MAML2: variants seen among roughly 807,000 people sequenced by gnomAD.
MAML2 encodes the protein mastermind like transcriptional coactivator 2, also known as mastermind-like protein 2.
A neutral mutation model predicts 96.1 loss-of-function variants in MAML2; 22 were observed. The observed-to-expected ratio is 0.23, with a 90% CI of 0.16 to 0.33. The LOEUF is 0.33. Among genes scored for constraint, MAML2 ranks in the 10% least tolerant of loss-of-function variants. The pLI, the probability that MAML2 is intolerant of heterozygous loss-of-function variation, is 1.00. For missense variants in MAML2, 1,367 were observed against 1,392.4 expected (o/e 0.98, Z 0.29); for synonymous variants, 561 against 521.3 (o/e 1.08, Z -1.04).
intron 2 of MAML2, among the ~76,000 whole-genome samples, chr11:96,068,438 T>TCATACACACACACACACA (rs1859278678): frequency 2.5e-5 from 3 of 120,292 alleles, no homozygotes; most frequent in Admixed American, 1.8e-4. Flanking sequence ...GGAGCTTACT[T>TCATACACACACACACACA]CACACACACA....
chr11:96,075,347 G>A (rs899872993), intron 2 of MAML2, among the ~76,000 whole-genome samples: 1 of 152,160 alleles, frequency 6.6e-6, no homozygotes, highest in Admixed American at 6.5e-5. Flanking sequence ...TCACTAAGGT[G>A]CTCAGAAGTT....
chr11:95,993,562 C>T (rs1316837158), intron 2 of MAML2, among the ~76,000 whole-genome samples: 1 of 151,090 alleles, frequency 6.6e-6, no homozygotes, highest in African/African-American at 2.4e-5. Context: ...CAGAGCAAGA[C>T]TCTGTCTCAA....
At chr11:96,154,387 G>T (rs965756705) in intron 1 of MAML2, among the ~76,000 whole-genome samples, 7 of 152,146 alleles carry the variant, frequency 4.6e-5, no homozygotes, top group Non-Finnish European at 7.3e-5. Flanking sequence ...CCAAATAATA[G>T]CTGCTCCTAC....
intron 1 of MAML2, among the ~76,000 whole-genome samples, chr11:96,235,146 T>C (rs1361062606): frequency 1.3e-5 from 2 of 152,098 alleles, no homozygotes; most frequent in Admixed American, 1.3e-4. Context: ...ACAGACCAAG[T>C]TTGGGATGTG....
intron 1 of MAML2, among the ~76,000 whole-genome samples, chr11:96,282,248 CAAA>C (rs546246324): frequency 5.8e-5 from 8 of 136,908 alleles, no homozygotes; most frequent in South Asian, 2.3e-4. Context: ...GACTCCATCT[CAAA>C]AAAAAAATAA....
intron 1 of MAML2, among the ~76,000 whole-genome samples, chr11:96,327,946 A>T (rs938156710): frequency 1.3e-5 from 2 of 151,820 alleles, no homozygotes; most frequent in Admixed American, 1.3e-4. Flanking sequence ...AAATCCAAAA[A>T]TTAGCCAGGC....
At chr11:96,027,787 A>G (rs1194495487) in intron 2 of MAML2, among the ~76,000 whole-genome samples, 1 of 152,136 alleles carries the variant, frequency 6.6e-6, no homozygotes, top group African/African-American at 2.4e-5. Context: ...GCTGGAGTGC[A>G]GTGGCATGAT....
At chr11:96,071,634 C>T (rs1859345626) in intron 2 of MAML2, among the ~76,000 whole-genome samples, 1 of 152,186 alleles carries the variant, frequency 6.6e-6, no homozygotes, top group African/African-American at 2.4e-5. Flanking sequence ...AAGGTTGTAA[C>T]CTGTGAGAAT....
At chr11:96,153,187 C>T (rs1347254947) in intron 1 of MAML2, among the ~76,000 whole-genome samples, 17 of 146,778 alleles carry the variant, frequency 1.2e-4, no homozygotes, top group Admixed American at 4.8e-4. Context: ...TGCATGAGGT[C>T]CCAATTAGTC....
At chr11:96,297,763 T>C (rs1472999378) in intron 1 of MAML2, among the ~76,000 whole-genome samples, 4 of 152,234 alleles carry the variant, frequency 2.6e-5, no homozygotes, top group Admixed American at 1.3e-4. Context: ...ATTTATTCCC[T>C]ACATTGTTCT....
Position 95,979,347 on chromosome 11 carries a change from C to A in MAML2, c.3072G>T (p.Val1024=). The change falls in exon 5 of 5, where the codon GTG becomes GTT. Residue 1024 remains valine (V), a synonymous_variant. Transcript: ENST00000524717. ...TCATTTGGTTCATGGGTCTCATTTG[C>A]ACTGCTGGTGTTAACTGGTTAGGAG... ...VAPPNQLTPA[V]QMRPMNQMSQ... 1 of 1,613,812 alleles carries A rather than the reference C, an allele frequency of 6.2e-7. No individual in the cohort carries two copies. The highest frequency in any genetic ancestry group is 8.5e-7 in the Non-Finnish European group (1 of 1,179,846).
intron 1 of MAML2, among the ~76,000 whole-genome samples, chr11:96,303,458 A>C (rs187350060): frequency 2.0e-4 from 30 of 152,324 alleles, no homozygotes; most frequent in African/African-American, 6.3e-4. Flanking sequence ...AGAGTATAGG[A>C]ACCATTATTC....
chr11:96,116,987 G>T (rs1860255312), intron 1 of MAML2, among the ~76,000 whole-genome samples: 1 of 152,174 alleles, frequency 6.6e-6, no homozygotes, highest in African/African-American at 2.4e-5. Context: ...GAATTGAATT[G>T]ACAGCCATTA....
chr11:95,979,588 A>G lies in MAML2; in HGVS notation c.2831T>C (p.Met944Thr). 1 of 1,613,984 alleles carries G rather than the reference A, an allele frequency of 6.2e-7. No homozygotes were observed. The highest frequency in any genetic ancestry group is 8.5e-7 in the Non-Finnish European group (1 of 1,179,888). The change falls in exon 5 of 5, where the codon ATG becomes ACG. Residue 944 changes from methionine to threonine, a missense_variant. Coordinates refer to ENST00000524717, the MANE Select transcript of MAML2 (RefSeq NM_032427.4). ...TGTTCTCTGTGGTGGCATGCTTGCC[A>G]TACTATGGGTTAAATTTGGTCTCAA... Reference protein sequence around the residue: ...QQLRPNLTHSMASMPPQRTSN... With the variant: ...QQLRPNLTHSTASMPPQRTSN...
chr11:96,080,333 G>A (rs998061206), intron 2 of MAML2, among the ~76,000 whole-genome samples: 10 of 152,174 alleles, frequency 6.6e-5, no homozygotes, highest in South Asian at 2.1e-4. Flanking sequence ...GATGAAAGTG[G>A]TTTCCTCCTG....
intron 1 of MAML2, among the ~76,000 whole-genome samples, chr11:96,158,461 C>A (rs1461694026): frequency 6.6e-6 from 1 of 152,204 alleles, no homozygotes; most frequent in Non-Finnish European, 1.5e-5. Flanking sequence ...TCATGAGGAG[C>A]TGCAAGGGAG....
chr11:96,012,199 G>A (rs1858277143), intron 2 of MAML2, among the ~76,000 whole-genome samples: 1 of 152,190 alleles, frequency 6.6e-6, no homozygotes, highest in Admixed American at 6.5e-5. Context: ...CACTGTGAGA[G>A]CATTTTCATT....
At chr11:96,336,175 T>C (rs187062312) in intron 1 of MAML2, among the ~76,000 whole-genome samples, 328 of 152,348 alleles carry the variant, frequency 2.2e-3, no homozygotes, top group Middle Eastern at 3.4e-3. Context: ...ATGGTCTAAC[T>C]ATAAAATCTA....
intron 1 of MAML2, among the ~76,000 whole-genome samples, chr11:96,335,614 A>C (rs1863911069): frequency 6.6e-6 from 1 of 152,226 alleles, no homozygotes; most frequent in Non-Finnish European, 1.5e-5. Flanking sequence ...CAGAGCACTT[A>C]GGCAATGCGC....
Sources: gnomAD v4.1 joint callset for allele counts (sites outside exome capture counted in the v4.1 genomes callset) on GRCh38, gnomAD v4.1.1 for gene constraint, MANE v1.5 for transcripts, NCBI Gene and HGNC (gene_info 2026-07-23, HGNC 2026-07-21) for gene names.